Variants in SV2B observed in about 807,000 individuals in gnomAD.
The protein encoded by SV2B is synaptic vesicle glycoprotein 2B.
SV2B carries 41 observed loss-of-function variants against 73.9 expected under a neutral mutation model. The observed-to-expected ratio is 0.56, with a 90% confidence interval of 0.43 to 0.72. The LOEUF is 0.72. Among genes scored for constraint, SV2B ranks in the 30% least tolerant of loss-of-function variants. SV2B has a pLI of 0.00. For missense variants in SV2B, 764 were observed against 857.8 expected (o/e 0.89, Z 1.37); for synonymous variants, 314 against 314.2 (o/e 1.00, Z 0.01).
In SV2B at chr15:91,197,543, G is replaced by GA. The variant is rs58842618; in HGVS notation, c.-391-28320dup. ...CCAGCCATCATTGTTTTTAATAGAA[G>GA]AAAAAAAAAACCAAACCAAACCAAA... On this transcript the variant is annotated intron_variant, in intron 1 of 12. Coordinates refer to ENST00000394232, the MANE Select transcript of SV2B (RefSeq NM_001323032.3). This position sits in a 1 kb window ranked among gnomAD's most constrained non-coding sequence, Gnocchi z 4.9. Among the ~76,000 whole-genome samples the GA allele has an allele frequency of 0.034, 4,777 of 140,298 alleles. 207 individuals are homozygous for GA. Among genetic ancestry groups the GA allele is most frequent in the African/African-American group, 0.11 (4,140 of 38,480 alleles). 92.0% of individuals were successfully genotyped at this position (140,298 alleles called of 152,430 possible).
chr15:91,296,250 T>G lies in SV2B; in HGVS notation c.*3698T>G, dbSNP rs1367533704. 1 of 152,242 alleles carries G rather than the reference T, an allele frequency of 6.6e-6. No homozygotes were observed. Among genetic ancestry groups the G allele is most frequent in the Non-Finnish European group, 1.5e-5 (1 of 68,064 alleles). The allele number at this position is 152,242 out of a possible 1,614,324, so 9.4% of individuals were successfully genotyped here. A position where few individuals can be genotyped will look rare whatever the true frequency, so the allele number is the denominator to read the frequency against. On this transcript the variant is annotated 3_prime_UTR_variant, in exon 13 of 13. Coordinates refer to ENST00000394232, the MANE Select transcript of SV2B (RefSeq NM_001323032.3). Reference sequence around the variant, plus strand: ...TAGCCCTGGGAAAGGTGTCTCCACTTCCACATCTGGCTTTTCTAGGGGGCA... The same window carrying G: ...TAGCCCTGGGAAAGGTGTCTCCACTGCCACATCTGGCTTTTCTAGGGGGCA...
intron 1 of SV2B, among the ~76,000 whole-genome samples, chr15:91,186,128 T>C (rs1258508564): frequency 6.6e-6 from 1 of 152,134 alleles, no homozygotes; most frequent in Admixed American, 6.5e-5. Context: ...ACTTACTTTC[T>C]CCTAACAAAA....
chr15:91,285,147 G>T (rs1408578717), intron 11 of SV2B, among the ~76,000 whole-genome samples: 1 of 152,174 alleles, frequency 6.6e-6, no homozygotes, highest in African/African-American at 2.4e-5. Flanking sequence ...AATTGATCAG[G>T]TCTTCATGGG....
At position 91,290,289 on chromosome 15, in the gene SV2B, GA is replaced by G. The variant is rs1244423519; in HGVS notation, c.1868+611del. On this transcript the variant is annotated intron_variant, in intron 12 of 12. Transcript: ENST00000394232. This position sits in a 1 kb window ranked among gnomAD's most constrained non-coding sequence, Gnocchi z 4.7. ...TCAAAAAGGAATGTGAAGAGGTAAG[GA>G]AGGTGGGTAAATGAAATTCTGCAAA... Among the ~76,000 whole-genome samples the G allele has an allele frequency of 6.6e-6, 1 of 152,178 alleles. No individual in the cohort carries two copies. The highest frequency in any genetic ancestry group is 2.4e-5 in the African/African-American group (1 of 41,432).
chr15:91,219,520 A>G (rs895442415), intron 1 of SV2B, among the ~76,000 whole-genome samples: 1 of 152,132 alleles, frequency 6.6e-6, no homozygotes, highest in Admixed American at 6.5e-5. Context: ...TATTCCATGG[A>G]TGTTAATGAG....
At chr15:91,285,215 C>T (rs970364735) in intron 11 of SV2B, among the ~76,000 whole-genome samples, 1 of 152,190 alleles carries the variant, frequency 6.6e-6, no homozygotes, top group Admixed American at 6.5e-5. Flanking sequence ...TAAATAGTAG[C>T]ATGCATATTC....
chr15:91,291,340 G>C (rs2049033365), intron 12 of SV2B, among the ~76,000 whole-genome samples: 1 of 151,782 alleles, frequency 6.6e-6, no homozygotes, highest in Admixed American at 6.6e-5. Context: ...AAAAAGACTG[G>C]GTTGATGAAT....
rs59849012 is a variant in SV2B at position 91,191,063 on chromosome 15, C to CTTTTT, written c.-391-34793_-391-34789dup. Among the ~76,000 whole-genome samples, 33 of 64,234 alleles carry CTTTTT rather than the reference C, an allele frequency of 5.1e-4. 3 individuals are homozygous for CTTTTT. In the South Asian group the frequency reaches 7.2e-3, roughly 14 times the overall value. 42.1% of individuals were successfully genotyped at this position (64,234 alleles called of 152,430 possible). A position where few individuals can be genotyped will look rare whatever the true frequency, so the allele number is the denominator to read the frequency against. On this transcript the variant is annotated intron_variant, in intron 1 of 12. Coordinates refer to ENST00000394232, the MANE Select transcript of SV2B (RefSeq NM_001323032.3). The stretch of plus-strand genomic sequence containing the variant: ...TACCCTGGTGGTTTTTTTGGTGTTT[C>CTTTTT]TTTTTTTTTTTTTTTTTTTTTGACA...
At chr15:91,251,455 C>T (rs190676483) in intron 2 of SV2B, among the ~76,000 whole-genome samples, 2 of 152,346 alleles carry the variant, frequency 1.3e-5, no homozygotes, top group East Asian at 3.9e-4. Flanking sequence ...TGGAAATTCT[C>T]TCCTTAAACA....
Position 91,140,195 on chromosome 15 carries a change from G to C in SV2B, c.-392+39832G>C, listed in dbSNP as rs553272188. On this transcript the variant is annotated intron_variant, in intron 1 of 12. Transcript: ENST00000394232. The surrounding 1 kb of genome is among the most constrained non-coding windows in gnomAD (Gnocchi z 4.4). ...CCATCCAGCTATTAACAAACATTCC[G>C]TGAGTATCACAATGCTCATTATTTT... 2.6e-5 allele frequency among the ~76,000 whole-genome samples: 4 copies of C among 152,290 alleles called. No individual in the cohort carries two copies. The highest frequency in any genetic ancestry group is 9.6e-5 in the African/African-American group (4 of 41,558).
rs1219657036 is a variant in SV2B at position 91,139,228 on chromosome 15, A to G, written c.-392+38865A>G. Among the ~76,000 whole-genome samples, 1 of 152,170 alleles carries G rather than the reference A, an allele frequency of 6.6e-6. No individual in the cohort carries two copies. The highest frequency in any genetic ancestry group is 1.5e-5 in the Non-Finnish European group (1 of 68,040). On this transcript the variant is annotated intron_variant, in intron 1 of 12. Coordinates refer to ENST00000394232, the MANE Select transcript of SV2B (RefSeq NM_001323032.3). The surrounding 1 kb of genome is among the most constrained non-coding windows in gnomAD (Gnocchi z 5.2). ...AGGTTGGAGAACTGGGTAGGGGTAT[A>G]GATGATATGAGATTGGAATGAGTTG... is the stretch of plus-strand genomic sequence containing the variant.
At position 91,220,617 on chromosome 15, in the gene SV2B, C is replaced by T. The variant is rs539138782; in HGVS notation, c.-391-5256C>T. ...GATTTTGAGTCATATAGCATAGATGCGGAGGCTAATAGAATGTAAAAGTTA... is the reference window on the plus strand; with the variant it reads ...GATTTTGAGTCATATAGCATAGATGTGGAGGCTAATAGAATGTAAAAGTTA... On this transcript the variant is annotated intron_variant, in intron 1 of 12. Coordinates refer to ENST00000394232, the MANE Select transcript of SV2B (RefSeq NM_001323032.3). This position sits in a 1 kb window ranked among gnomAD's most constrained non-coding sequence, Gnocchi z 4.1. Among the ~76,000 whole-genome samples the T allele has an allele frequency of 1.6e-4, 24 of 152,244 alleles. 1 individual carries two copies. The highest frequency in any genetic ancestry group is 5.8e-4 in the East Asian group (3 of 5,180).
chr15:91,254,372 G>A (rs1394941187), intron 4 of SV2B, among the ~76,000 whole-genome samples: 1 of 151,862 alleles, frequency 6.6e-6, no homozygotes, highest in Admixed American at 6.6e-5. Context: ...AAGTAGCTGG[G>A]ATTACAGGTG....
At chr15:91,233,840 C>G (rs1176637554) in intron 2 of SV2B, among the ~76,000 whole-genome samples, 3 of 152,142 alleles carry the variant, frequency 2.0e-5, no homozygotes, top group African/African-American at 7.2e-5. Context: ...AGAGTCAAGT[C>G]CCATCAGGCC....
chr15:91,243,197 C>T lies in SV2B; in HGVS notation c.452-8622C>T, dbSNP rs535163722. On this transcript the variant is annotated intron_variant, in intron 2 of 12. Transcript: ENST00000394232. The stretch of plus-strand genomic sequence containing the variant: ...AAATGGCAGAGGCATCACTGAGCCT[C>T]ATTGGGTTATGATCCTATCTGAGAT... 1.4e-4 allele frequency among the ~76,000 whole-genome samples: 21 copies of T among 152,302 alleles called. No homozygotes were observed. In the South Asian group the frequency reaches 3.9e-3, roughly 29 times the overall value.
At chr15:91,126,574 A>G (rs533534010) in intron 1 of SV2B, among the ~76,000 whole-genome samples, 32 of 152,330 alleles carry the variant, frequency 2.1e-4, no homozygotes, top group Admixed American at 3.9e-4. Flanking sequence ...ACTATAGACA[A>G]ATACCTCGGA....
chr15:91,253,726 G>C lies in SV2B; in HGVS notation c.784+1206G>C, dbSNP rs148137788. Among the ~76,000 whole-genome samples the C allele has an allele frequency of 1.3e-5, 2 of 152,346 alleles. No individual in the cohort carries two copies. The highest frequency in any genetic ancestry group is 2.9e-5 in the Non-Finnish European group (2 of 68,040). On this transcript the variant is annotated intron_variant, in intron 4 of 12. Transcript: ENST00000394232. This position sits in a 1 kb window ranked among gnomAD's most constrained non-coding sequence, Gnocchi z 5.0. ...GAAAGAGAATGGGCAGTTGTAGATTGGCTGAAGGCCAGGAAGTAGAACACA... is the reference window on the plus strand; with the variant it reads ...GAAAGAGAATGGGCAGTTGTAGATTCGCTGAAGGCCAGGAAGTAGAACACA...
chr15:91,243,825 C>G lies in SV2B; in HGVS notation c.452-7994C>G, dbSNP rs576716876. On this transcript the variant is annotated intron_variant, in intron 2 of 12. Transcript: ENST00000394232. ...GCTTCTGTCTCTCAGACTCCCTGAT[C>G]TGCCTGTAGACCCTCACCTCTGGGC... Among the ~76,000 whole-genome samples, 95 of 152,294 alleles carry G rather than the reference C, an allele frequency of 6.2e-4. 1 individual carries two copies. The South Asian group carries it at 0.013, about 21-fold the overall frequency.
chr15:91,195,252 G>T (rs995768610), intron 1 of SV2B, among the ~76,000 whole-genome samples: 1 of 152,122 alleles, frequency 6.6e-6, no homozygotes, highest in Non-Finnish European at 1.5e-5. Context: ...TGACCTCCCA[G>T]GCTCAAGCGA....
Sources: allele counts gnomAD v4.1 joint callset (sites outside exome capture counted in the v4.1 genomes callset), GRCh38; gene constraint gnomAD v4.1.1; non-coding constraint Gnocchi (gnomAD v3.1); transcripts MANE v1.5; gene names NCBI Gene and HGNC (gene_info 2026-07-23, HGNC 2026-07-21).